Variants in LAMA3 observed in about 807,000 individuals in gnomAD.
LAMA3 encodes the protein laminin subunit alpha 3.
Under a neutral mutation model 402.0 loss-of-function variants are expected in LAMA3, and 281 were observed. The observed-to-expected ratio is 0.70, with a 90% CI of 0.63 to 0.77. The LOEUF (loss-of-function observed/expected upper bound fraction) is 0.77. Ranked by LOEUF, LAMA3 falls within the 30% of genes least tolerant of loss-of-function variation. The pLI, the probability that LAMA3 is intolerant of heterozygous loss-of-function variation, is 0.00. For missense variants in LAMA3, 3,840 were observed against 4,215.5 expected, an observed-to-expected ratio of 0.91 and a Z score of 2.47; for synonymous variants, 1,431 against 1,558.4, an observed-to-expected ratio of 0.92 and a Z score of 1.93.
In LAMA3 at chr18:23,894,972, G is replaced by C; in HGVS notation, c.5527G>C (p.Val1843Leu). Residue 1843 changes from valine (V) to leucine (L), a missense_variant, in exon 44 of 75, where the codon GTC (valine) becomes CTC (leucine). By Grantham distance (32) the Val-to-Leu change is conservative. Around this residue, in one of 3 missense-constraint regions of LAMA3, gnomAD observed 891 missense variants for 857.5 expected, o/e 1.04. Coordinates refer to ENST00000313654, the MANE Select transcript of LAMA3 (RefSeq NM_198129.4). ...CACCATGGGCGAGCAGCTCCGCCTG[G>C]TCAAGTCTCAGCTGCAGGGCCTGAG... ...LATMGEQLRL[V>L]KSQLQGLSAS... 6.2e-7 allele frequency: 1 copy of C among 1,614,106 alleles called. No homozygotes were observed. Among genetic ancestry groups the C allele is most frequent in the Non-Finnish European group, 8.5e-7 (1 of 1,179,988 alleles).
chr18:23,890,019 CG>C lies in LAMA3; in HGVS notation c.5315del (p.Gly1772AspfsTer30), dbSNP rs2080601303. 2 of 1,612,654 alleles carry C rather than the reference CG, an allele frequency of 1.2e-6. No individual in the cohort carries two copies. Among genetic ancestry groups the C allele is most frequent in the Non-Finnish European group, 1.7e-6 (2 of 1,178,860 alleles). On this transcript the variant is annotated frameshift_variant, in exon 42 of 75. Coordinates refer to ENST00000313654, the MANE Select transcript of LAMA3 (RefSeq NM_198129.4). LOFTEE classifies it high-confidence loss of function. ...YTGTQCERCA[P>X]GYFGNPQKFG... ...CTCTATATTTTGTGTAGGTGTGCACCGGGATATTTCGGGAATCCCCAGAAAT... is the reference window on the plus strand; with the variant it reads ...CTCTATATTTTGTGTAGGTGTGCACCGGATATTTCGGGAATCCCCAGAAAT...
At chr18:23,791,921 C>G (rs2062665363) in intron 12 of LAMA3, among the ~76,000 whole-genome samples, 1 of 152,112 alleles carries the variant, frequency 6.6e-6, no homozygotes, top group Non-Finnish European at 1.5e-5. Flanking sequence ...CCACCCATAT[C>G]ACTCTTTTTG....
At chr18:23,892,787 C>G (rs1325111450) in intron 42 of LAMA3, among the ~76,000 whole-genome samples, 1 of 151,352 alleles carries the variant, frequency 6.6e-6, no homozygotes, top group Non-Finnish European at 1.5e-5. Flanking sequence ...CCTGTAATCT[C>G]AGCTACTTGG....
chr18:23,911,117 T>C (rs974657713), intron 55 of LAMA3, among the ~76,000 whole-genome samples: 3 of 136,798 alleles, frequency 2.2e-5, no homozygotes, highest in African/African-American at 6.0e-5. Context: ...AAAGGAAGAG[T>C]AGGAATTTGC....
chr18:23,754,135 G>T, intron 6 of LAMA3, among the ~76,000 whole-genome samples: 1 of 152,030 alleles, frequency 6.6e-6, no homozygotes, highest in East Asian at 1.9e-4. Context: ...TGTCATTCCT[G>T]GTTTAATGGG....
At chr18:23,854,050 G>T (rs1212230084) in intron 32 of LAMA3, among the ~76,000 whole-genome samples, 2 of 152,190 alleles carry the variant, frequency 1.3e-5, no homozygotes, top group African/African-American at 4.8e-5. Context: ...GGGCCACTCA[G>T]GGTCCCATTT....
chr18:23,857,491 C>T (rs1342448878), intron 32 of LAMA3, among the ~76,000 whole-genome samples: 1 of 152,260 alleles, frequency 6.6e-6, no homozygotes, highest in African/African-American at 2.4e-5. Flanking sequence ...ACCTGCTACT[C>T]CTCTGAACCT....
chr18:23,939,468 C>T, intron 68 of LAMA3, 82 bp downstream of exon 68: 4 of 1,369,112 alleles, frequency 2.9e-6, no homozygotes, highest in Non-Finnish European at 4.2e-6. Flanking sequence ...ACTGCCATGA[C>T]ACCATGCAGC....
At chr18:23,909,113 A>C in intron 54 of LAMA3, 40 bp from the exon 55 acceptor site, 1 of 1,593,690 alleles carries the variant, frequency 6.3e-7, no homozygotes, top group Non-Finnish European at 8.6e-7. Flanking sequence ...CCTTTTCTTA[A>C]TGCACAATCT....
intron 12 of LAMA3, among the ~76,000 whole-genome samples, chr18:23,799,518 T>A (rs544131819): frequency 3.2e-4 from 48 of 152,216 alleles, no homozygotes; most frequent in Non-Finnish European, 6.2e-4. Context: ...CTGGGTCTTC[T>A]CGCTCCCCAG....
At chr18:23,927,153 C>A (rs775672357) in intron 62 of LAMA3, among the ~76,000 whole-genome samples, 76 of 152,206 alleles carry the variant, frequency 5.0e-4, no homozygotes, top group African/African-American at 1.8e-3. Context: ...TCTTGCTGTA[C>A]GTTAACTTGT....
At chr18:23,819,730 G>A (rs2063246515) in intron 18 of LAMA3, 111 bp from the exon 19 acceptor site, 8 of 925,766 alleles carry the variant, frequency 8.6e-6, no homozygotes, top group Non-Finnish European at 1.4e-5. Context: ...TTTATTTAAT[G>A]TACTCTGTCA....
intron 13 of LAMA3, among the ~76,000 whole-genome samples, chr18:23,812,347 A>G (rs2063090846): frequency 6.6e-6 from 1 of 152,200 alleles, no homozygotes; most frequent in African/African-American, 2.4e-5. Flanking sequence ...GTCTCAAAAA[A>G]GAGAGTGAGA....
intron 37 of LAMA3, 34 bp from the exon 38 acceptor site, chr18:23,871,397 A>G: frequency 6.3e-7 from 1 of 1,591,708 alleles, no homozygotes; most frequent in Non-Finnish European, 8.6e-7. Flanking sequence ...GAGCCTGCCT[A>G]AGGAAGACCC....
Position 23,844,998 on chromosome 18 carries a change from A to T in LAMA3, c.3604-11A>T. On this transcript the variant is annotated splice_polypyrimidine_tract_variant and intron_variant, in intron 29 of 74. Transcript: ENST00000313654. ...TGGAAATTCTAAGACATGCTGGTGGATTTCTTTCAGGTCCGTGTTCTAGTG... is the reference window on the plus strand; with the variant it reads ...TGGAAATTCTAAGACATGCTGGTGGTTTTCTTTCAGGTCCGTGTTCTAGTG... 2.1e-6 allele frequency: 3 copies of T among 1,447,834 alleles called. No individual in the cohort carries two copies. Among genetic ancestry groups the T allele is most frequent in the Non-Finnish European group, 2.9e-6 (3 of 1,028,696 alleles). 89.7% of individuals were successfully genotyped at this position (1,447,834 alleles called of 1,614,324 possible).
At chr18:23,731,548 CA>C (rs2061394797) in intron 2 of LAMA3, among the ~76,000 whole-genome samples, 1 of 152,206 alleles carries the variant, frequency 6.6e-6, no homozygotes, top group South Asian at 2.1e-4. Context: ...CTTTGCCCCA[CA>C]AACTGGTGTG....
At chr18:23,789,028 T>A (rs1000218067) in intron 12 of LAMA3, among the ~76,000 whole-genome samples, 1 of 152,048 alleles carries the variant, frequency 6.6e-6, no homozygotes, top group Non-Finnish European at 1.5e-5. Context: ...AGTAAAGGAT[T>A]TGAATAGACA....
intron 62 of LAMA3, among the ~76,000 whole-genome samples, chr18:23,923,332 G>C (rs899939719): frequency 9.9e-5 from 15 of 152,222 alleles, no homozygotes; most frequent in Admixed American, 2.0e-4. Flanking sequence ...AGGTAGAGTG[G>C]CTGGAGGCCG....
rs2063160460 is a variant in LAMA3, at chr18:23,815,583, T to C, written c.2047+10T>C. On this transcript the variant is annotated intron_variant, in intron 17 of 74. Transcript: ENST00000313654. ...TACTTTGGGTGTCAAGGTAAATAAG[T>C]CCATTGGGCCCTGAGCAAAGCACAG... 1.3e-6 allele frequency: 2 copies of C among 1,559,882 alleles called. No individual in the cohort carries two copies. Among genetic ancestry groups the C allele is most frequent in the African/African-American group, 2.7e-5 (2 of 73,796 alleles).
Sources: gnomAD v4.1 joint callset for allele counts (sites outside exome capture counted in the v4.1 genomes callset) on GRCh38, gnomAD v4.1.1 for gene constraint, gnomAD v4.1.1 regional missense constraint, MANE v1.5 for transcripts, NCBI Gene and HGNC (gene_info 2026-07-23, HGNC 2026-07-21) for gene names.